Variants in TCERG1L observed in about 807,000 individuals in gnomAD.
TCERG1L encodes transcription elongation regulator 1-like protein.
A neutral mutation model predicts 56.3 loss-of-function variants in TCERG1L; 37 were observed. That is an observed-to-expected ratio of 0.66 (90% CI 0.51 to 0.87). The LOEUF is 0.87. TCERG1L is among the 40% of genes least tolerant of loss of function. The probability of loss-of-function intolerance (pLI) is 0.00; values close to 1 mark genes in which losing one functional copy is unlikely to be tolerated. For synonymous variants in TCERG1L, 324 were observed against 326.3 expected, an observed-to-expected ratio of 0.99 and a Z score of 0.08; for missense variants, 799 against 774.2, an observed-to-expected ratio of 1.03 and a Z score of -0.38.
rs1352565092 is a variant in TCERG1L, at chr10:131,308,194, G to A, written c.670+17C>T. 6.3e-7 allele frequency: 1 copy of A among 1,586,388 alleles called. No individual in the cohort carries two copies. The highest frequency in any genetic ancestry group is 1.8e-5 in the Admixed American group (1 of 54,206). On this transcript the variant is annotated intron_variant, in intron 3 of 11. Coordinates refer to ENST00000368642, the MANE Select transcript of TCERG1L (RefSeq NM_174937.4). The stretch of plus-strand genomic sequence containing the variant: ...CAAAAATGAAACAGACATTGTCAAT[G>A]TTATTTGGGCACCAACCTGGGATGG...
intron 7 of TCERG1L, among the ~76,000 whole-genome samples, chr10:131,137,505 T>A (rs1845689279): frequency 6.6e-6 from 1 of 152,204 alleles, no homozygotes; most frequent in African/African-American, 2.4e-5. Flanking sequence ...GTGTGCCTCC[T>A]GCCTGCCGTG....
chr10:131,136,286 T>C (rs1845674484), intron 7 of TCERG1L, among the ~76,000 whole-genome samples: 1 of 152,222 alleles, frequency 6.6e-6, no homozygotes, highest in South Asian at 2.1e-4. Flanking sequence ...ACACACTTTA[T>C]GCCCCCTGCT....
At chr10:131,172,142 C>G (rs759648000) in intron 4 of TCERG1L, among the ~76,000 whole-genome samples, 1 of 152,296 alleles carries the variant, frequency 6.6e-6, no homozygotes, top group Non-Finnish European at 1.5e-5. Flanking sequence ...TATCTGGAAG[C>G]GTGTGGAGTA....
In TCERG1L at chr10:131,217,628, G is replaced by A. The variant is rs114946836; in HGVS notation, c.856+42631C>T. Among the ~76,000 whole-genome samples, 1,286 of 151,768 alleles carry A rather than the reference G, an allele frequency of 8.5e-3. 13 individuals are homozygous for A. Among genetic ancestry groups the A allele is most frequent in the African/African-American group, 0.024 (995 of 41,338 alleles). ...GCCCAGAAACCAGGACGGTGGCCAG[G>A]CAAGGCCCAGGGAACAATGGGAAGC... On this transcript the variant is annotated intron_variant, in intron 4 of 11. Transcript: ENST00000368642.
chr10:131,126,130 T>C (rs1845563219), intron 8 of TCERG1L, among the ~76,000 whole-genome samples: 1 of 152,174 alleles, frequency 6.6e-6, no homozygotes, highest in Non-Finnish European at 1.5e-5. Flanking sequence ...TCGCTTCACC[T>C]CTTCCGGGAA....
intron 4 of TCERG1L, among the ~76,000 whole-genome samples, chr10:131,259,592 G>C (rs1846211777): frequency 6.6e-6 from 1 of 152,230 alleles, no homozygotes. Context: ...ATGGGACCCA[G>C]GGCCTCCCAT....
rs146932681 is a variant in TCERG1L at position 131,297,317 on chromosome 10, G to A, written c.670+10894C>T. ...GGTGAATTTGACAAATGCATTTTCT[G>A]AATCTATTGAAATAAACTTATTACT... On this transcript the variant is annotated intron_variant, in intron 3 of 11. Transcript: ENST00000368642. Among the ~76,000 whole-genome samples the A allele has an allele frequency of 1.1e-3, 171 of 152,202 alleles. 4 individuals are homozygous for A. In the East Asian group the frequency reaches 0.032, roughly 28 times the overall value.
intron 4 of TCERG1L, among the ~76,000 whole-genome samples, chr10:131,177,554 C>T (rs998304509): frequency 1.3e-5 from 2 of 152,220 alleles, no homozygotes; most frequent in Non-Finnish European, 2.9e-5. Context: ...TGCAGTGTCC[C>T]GAAGTGCAGC....
intron 3 of TCERG1L, among the ~76,000 whole-genome samples, chr10:131,276,590 T>G (rs1007601019): frequency 6.6e-6 from 1 of 152,230 alleles, no homozygotes; most frequent in Non-Finnish European, 1.5e-5. Flanking sequence ...TGGAGATGCA[T>G]TTAGACAGCG....
chr10:131,173,211 C>T (rs1050362941), intron 4 of TCERG1L, among the ~76,000 whole-genome samples: 1 of 152,076 alleles, frequency 6.6e-6, no homozygotes, highest in African/African-American at 2.4e-5. Context: ...TTTAATCTTG[C>T]CTACTGCCTC....
chr10:131,228,128 C>A (rs921043585), intron 4 of TCERG1L, among the ~76,000 whole-genome samples: 5 of 151,900 alleles, frequency 3.3e-5, no homozygotes, highest in Non-Finnish European at 7.4e-5. Flanking sequence ...AGTCTCCACT[C>A]CAGACAGGCA....
chr10:131,169,380 G>T (rs116781523), intron 4 of TCERG1L, among the ~76,000 whole-genome samples: 1 of 152,088 alleles, frequency 6.6e-6, no homozygotes, highest in Non-Finnish European at 1.5e-5. Context: ...GGCACAAGGG[G>T]GCACACAAAG....
At chr10:131,273,662 T>TC (rs1846363555) in intron 3 of TCERG1L, among the ~76,000 whole-genome samples, 1 of 151,986 alleles carries the variant, frequency 6.6e-6, no homozygotes. Context: ...GGGCGTCATT[T>TC]CCCCCAGAGG....
intron 4 of TCERG1L, among the ~76,000 whole-genome samples, chr10:131,174,472 C>A (rs945151285): frequency 6.6e-6 from 1 of 152,124 alleles, no homozygotes; most frequent in African/African-American, 2.4e-5. Context: ...TCCAGAGGTC[C>A]CCTGGTCGGG....
chr10:131,155,363 C>T lies in TCERG1L; in HGVS notation c.1034+7759G>A, dbSNP rs145937901. On this transcript the variant is annotated intron_variant, in intron 6 of 11. Transcript: ENST00000368642. The stretch of plus-strand genomic sequence containing the variant: ...AGACCACTCCATGGTCATGTCAAGC[C>T]GAGTCCACTCGGGGCCCTGCCAGCT... Among the ~76,000 whole-genome samples, 370 of 152,356 alleles carry T rather than the reference C, an allele frequency of 2.4e-3. 2 individuals are homozygous for T. In the South Asian group the frequency reaches 0.028, roughly 12 times the overall value.
chr10:131,219,703 C>T lies in TCERG1L; in HGVS notation c.856+40556G>A, dbSNP rs574055554. ...AGGGGCTTCCCCTCGAAGCTCACCG[C>T]GGCATCCCTGGGGCGTTCGGGGCTG... is the stretch of plus-strand genomic sequence containing the variant. On this transcript the variant is annotated intron_variant, in intron 4 of 11. Coordinates refer to ENST00000368642, the MANE Select transcript of TCERG1L (RefSeq NM_174937.4). Among the ~76,000 whole-genome samples, 11 of 152,302 alleles carry T rather than the reference C, an allele frequency of 7.2e-5. No homozygotes were observed. In the South Asian group the frequency reaches 1.7e-3, roughly 23 times the overall value.
At position 131,104,404 on chromosome 10, in the gene TCERG1L, T is replaced by C; in HGVS notation, c.1396-50A>G. 6.4e-6 allele frequency: 8 copies of C among 1,254,022 alleles called. No homozygotes were observed. The Middle Eastern group carries it at 7.4e-4, about 116-fold the overall frequency. 77.7% of individuals were successfully genotyped at this position (1,254,022 alleles called of 1,614,324 possible). On this transcript the variant is annotated intron_variant, in intron 9 of 11. Transcript: ENST00000368642. ...TGCTGTTAGCGTCTAATGCTAAGCC[T>C]GAAGCCGCCCTGAAATGATCCACAG... is the stretch of plus-strand genomic sequence containing the variant.
At chr10:131,299,147 T>C (rs1161857923) in intron 3 of TCERG1L, among the ~76,000 whole-genome samples, 2 of 152,188 alleles carry the variant, frequency 1.3e-5, no homozygotes, top group East Asian at 3.8e-4. Flanking sequence ...TCACTTCAGC[T>C]TTCTTTTGAT....
At chr10:131,263,947 T>C (rs1355792612) in intron 3 of TCERG1L, among the ~76,000 whole-genome samples, 5 of 151,856 alleles carry the variant, frequency 3.3e-5, no homozygotes, top group African/African-American at 4.8e-5. Context: ...GGAAGTTATT[T>C]CCAGTTGAGG....
Sources: allele counts gnomAD v4.1 joint callset (sites outside exome capture counted in the v4.1 genomes callset), GRCh38; gene constraint gnomAD v4.1.1; transcripts MANE v1.5; gene names NCBI Gene and HGNC (gene_info 2026-07-23, HGNC 2026-07-21).